Variants in CTNNA3 observed in about 807,000 individuals in gnomAD.
CTNNA3 encodes catenin alpha-3.
CTNNA3 carries 76 observed loss-of-function variants against 95.7 expected under a neutral mutation model. The observed-to-expected ratio is 0.79, with a 90% CI of 0.66 to 0.96. The LOEUF is 0.96. Among genes scored for constraint, CTNNA3 ranks in the 40% least tolerant of loss-of-function variants. CTNNA3 has a pLI of 0.00. For synonymous variants in CTNNA3, 431 were observed against 374.4 expected, an observed-to-expected ratio of 1.15 and a Z score of -1.74; for missense variants, 1,191 against 1,089.8, an observed-to-expected ratio of 1.09 and a Z score of -1.31.
At chr10:66,552,716 C>G (rs1842257080) in intron 10 of CTNNA3, among the ~76,000 whole-genome samples, 1 of 151,900 alleles carries the variant, frequency 6.6e-6, no homozygotes, top group Non-Finnish European at 1.5e-5. Context: ...TTTGAAAGGA[C>G]TCTTTAGGTG....
intron 13 of CTNNA3, among the ~76,000 whole-genome samples, chr10:66,262,562 TAAC>T (rs1301768745): frequency 1.3e-5 from 2 of 151,978 alleles, no homozygotes; most frequent in East Asian, 3.9e-4. Context: ...TCAAGTTTTA[TAAC>T]AACAGCCATA....
At chr10:67,588,250 A>G (rs1467158237) in intron 3 of CTNNA3, among the ~76,000 whole-genome samples, 1 of 104,980 alleles carries the variant, frequency 9.5e-6, no homozygotes, top group African/African-American at 5.4e-5. Flanking sequence ...TTAATAATTA[A>G]GAATTATTGT....
At chr10:66,332,596 A>T (rs1315162510) in intron 12 of CTNNA3, among the ~76,000 whole-genome samples, 1 of 152,034 alleles carries the variant, frequency 6.6e-6, no homozygotes, top group Non-Finnish European at 1.5e-5. Context: ...CATGGTGGAT[A>T]AGCTTTTTGA....
intron 7 of CTNNA3, among the ~76,000 whole-genome samples, chr10:66,861,673 T>C (rs1721894821): frequency 6.6e-6 from 1 of 152,238 alleles, no homozygotes; most frequent in African/African-American, 2.4e-5. Context: ...AAGTGCTTAC[T>C]GAGCCCATCA....
chr10:66,077,700 G>GT (rs200673301), intron 14 of CTNNA3, among the ~76,000 whole-genome samples: 12,461 of 151,628 alleles, frequency 0.082, 754 homozygotes, highest in East Asian at 0.19. Context: ...TGATCTGTAT[G>GT]GAGCCCCTAA....
intron 2 of CTNNA3, among the ~76,000 whole-genome samples, chr10:67,635,611 A>G (rs1419036896): frequency 6.6e-6 from 1 of 152,184 alleles, no homozygotes; most frequent in East Asian, 1.9e-4. Flanking sequence ...CATCAATAAA[A>G]TTCAACATCC....
chr10:67,048,309 A>G (rs546533312), intron 7 of CTNNA3, among the ~76,000 whole-genome samples: 317 of 152,202 alleles, frequency 2.1e-3, no homozygotes, highest in African/African-American at 7.0e-3. Flanking sequence ...TTTAAAAGCC[A>G]GTCTGTGATT....
chr10:66,110,860 C>T (rs1045477724), intron 13 of CTNNA3, among the ~76,000 whole-genome samples: 3 of 152,144 alleles, frequency 2.0e-5, no homozygotes, highest in African/African-American at 7.2e-5. Context: ...GATGGTATAA[C>T]CTACTACACA....
intron 15 of CTNNA3, among the ~76,000 whole-genome samples, chr10:66,048,654 G>A (rs6480134): frequency 0.52 from 79,503 of 151,854 alleles, 21,169 homozygotes; most frequent in South Asian, 0.59. Flanking sequence ...CCAGCTACTC[G>A]GGAGGCTGAA....
At chr10:66,790,606 G>T (rs1436368122) in intron 7 of CTNNA3, among the ~76,000 whole-genome samples, 1 of 152,146 alleles carries the variant, frequency 6.6e-6, no homozygotes, top group African/African-American at 2.4e-5. Flanking sequence ...CCTGGACTAA[G>T]TAGTCTATAA....
rs2077000153 is a variant in CTNNA3 at position 65,915,797 on chromosome 10, A to G, written c.*4533T>C. On this transcript the variant is annotated 3_prime_UTR_variant, in exon 18 of 18. Coordinates refer to ENST00000433211, the MANE Select transcript of CTNNA3 (RefSeq NM_013266.4). ...GAAAATATTCACATGCAAGAAGACT[A>G]GTGTTTTAAACTATTCTTTATTTTG... 6.6e-6 allele frequency: 1 copy of G among 152,184 alleles called. No homozygotes were observed. Among genetic ancestry groups the G allele is most frequent in the South Asian group, 2.1e-4 (1 of 4,836 alleles). The allele number at this position is 152,184 out of a possible 1,614,324, so 9.4% of individuals were successfully genotyped here.
At chr10:66,214,583 T>C (rs906713813) in intron 13 of CTNNA3, among the ~76,000 whole-genome samples, 3 of 152,092 alleles carry the variant, frequency 2.0e-5, no homozygotes, top group African/African-American at 7.2e-5. Context: ...GAGCAGCTTC[T>C]GATTTTCTAC....
intron 13 of CTNNA3, among the ~76,000 whole-genome samples, chr10:66,116,179 G>A (rs1348622552): frequency 1.3e-5 from 2 of 152,188 alleles, no homozygotes; most frequent in African/African-American, 4.8e-5. Flanking sequence ...GATGTAGTCA[G>A]ATATAAGTGG....
chr10:66,662,690 G>T (rs866730567), intron 9 of CTNNA3, among the ~76,000 whole-genome samples: 2 of 151,854 alleles, frequency 1.3e-5, no homozygotes, highest in Non-Finnish European at 2.9e-5. Context: ...TACAATTGTT[G>T]TCTGCTTCCC....
intron 13 of CTNNA3, among the ~76,000 whole-genome samples, chr10:66,182,660 T>C (rs1244760936): frequency 6.6e-6 from 1 of 152,122 alleles, no homozygotes; most frequent in East Asian, 1.9e-4. Flanking sequence ...GGAATTTTCT[T>C]TTTCCACTCA....
At chr10:67,626,113 C>T (rs1838944989) in intron 2 of CTNNA3, among the ~76,000 whole-genome samples, 1 of 150,110 alleles carries the variant, frequency 6.7e-6, no homozygotes, top group South Asian at 2.1e-4. Flanking sequence ...GCCCAGAGAT[C>T]AAGGCTGCTA....
rs181332362 is a variant in CTNNA3 at position 67,479,152 on chromosome 10, G to T, written c.579+42690C>A. The stretch of plus-strand genomic sequence containing the variant: ...AAAGACTTAGCCACATAATAATAGT[G>T]AGGGACTTCAACATCGCACTGACAA... On this transcript the variant is annotated intron_variant, in intron 5 of 17. Coordinates refer to ENST00000433211, the MANE Select transcript of CTNNA3 (RefSeq NM_013266.4). 4.3e-3 allele frequency among the ~76,000 whole-genome samples: 649 copies of T among 152,244 alleles called. 2 individuals are homozygous for T. The highest frequency in any genetic ancestry group is 5.8e-3 in the Non-Finnish European group (394 of 68,006).
At chr10:67,728,022 AT>A (rs1841251344) in intron 1 of CTNNA3, among the ~76,000 whole-genome samples, 1 of 140,906 alleles carries the variant, frequency 7.1e-6, no homozygotes, top group African/African-American at 2.6e-5. Context: ...TATATCATAT[AT>A]TATATATGAT....
intron 5 of CTNNA3, among the ~76,000 whole-genome samples, chr10:67,342,551 G>T (rs1031211487): frequency 4.6e-5 from 7 of 152,148 alleles, no homozygotes; most frequent in African/African-American, 1.7e-4. Context: ...AACGTTTTCT[G>T]TAGTAGTTTC....
Sources: gnomAD v4.1 joint callset for allele counts (sites outside exome capture counted in the v4.1 genomes callset) on GRCh38, gnomAD v4.1.1 for gene constraint, MANE v1.5 for transcripts, NCBI Gene and HGNC (gene_info 2026-07-23, HGNC 2026-07-21) for gene names.